Variants in UBE3D observed in about 807,000 individuals in gnomAD.
UBE3D encodes ubiquitin protein ligase E3D, also known as E3 ubiquitin-protein ligase E3D.
UBE3D carries 48 observed loss-of-function variants against 49.6 expected under a neutral mutation model. The observed-to-expected ratio is 0.97, with a 90% CI of 0.77 to 1.23. UBE3D has a LOEUF of 1.23. UBE3D is among the 50% of genes most tolerant of loss of function. The probability of loss-of-function intolerance (pLI) is 0.00; values close to 1 mark genes in which losing one functional copy is unlikely to be tolerated. For missense variants in UBE3D, 452 were observed against 468.4 expected (o/e 0.96, Z 0.32); for synonymous variants, 189 against 174.2 (o/e 1.08, Z -0.67).
At chr6:82,927,424 A>T (rs951742919) in intron 9 of UBE3D, among the ~76,000 whole-genome samples, 1 of 152,010 alleles carries the variant, frequency 6.6e-6, no homozygotes, top group Non-Finnish European at 1.5e-5. Flanking sequence ...ATGGGATTGC[A>T]TGGAATCTAT....
At chr6:83,013,793 CT>C (rs57317282) in intron 8 of UBE3D, among the ~76,000 whole-genome samples, 6,185 of 152,290 alleles carry the variant, frequency 0.041, 224 homozygotes, top group African/African-American at 0.095. Context: ...GCAGGCAAAT[CT>C]CTCACCAATA....
intron 8 of UBE3D, among the ~76,000 whole-genome samples, chr6:83,013,776 T>C (rs1177734776): frequency 6.6e-6 from 1 of 151,812 alleles, no homozygotes; most frequent in Non-Finnish European, 1.5e-5. Flanking sequence ...TTATTTCCCA[T>C]CCTCTGGCAG....
At chr6:82,949,294 G>T (rs2127764386) in intron 9 of UBE3D, among the ~76,000 whole-genome samples, 2 of 151,812 alleles carry the variant, frequency 1.3e-5, no homozygotes, top group South Asian at 4.2e-4. Context: ...AAATCACTTA[G>T]GAATTTACTT....
intron 9 of UBE3D, among the ~76,000 whole-genome samples, chr6:82,951,346 G>A (rs1285184731): frequency 6.6e-6 from 1 of 152,178 alleles, no homozygotes; most frequent in Non-Finnish European, 1.5e-5. Flanking sequence ...TTAACCTGGG[G>A]CTATGTCCTT....
intron 8 of UBE3D, among the ~76,000 whole-genome samples, chr6:83,009,552 C>A (rs1273937203): frequency 6.7e-6 from 1 of 149,370 alleles, no homozygotes; most frequent in Non-Finnish European, 1.5e-5. Context: ...AGAGCCAACA[C>A]CCAAGGAAAA....
At chr6:82,915,704 A>G (rs1340014145) in intron 9 of UBE3D, among the ~76,000 whole-genome samples, 1 of 152,214 alleles carries the variant, frequency 6.6e-6, no homozygotes, top group Non-Finnish European at 1.5e-5. Context: ...CTGGGCTTAC[A>G]AACAGTAATG....
chr6:83,012,374 G>A (rs1388096480), intron 8 of UBE3D, among the ~76,000 whole-genome samples: 1 of 152,162 alleles, frequency 6.6e-6, no homozygotes, highest in South Asian at 2.1e-4. Context: ...CTCAGTGTTG[G>A]TCTCTGCTGC....
At chr6:82,958,059 T>C (rs961467673) in intron 8 of UBE3D, among the ~76,000 whole-genome samples, 26 of 152,304 alleles carry the variant, frequency 1.7e-4, no homozygotes, top group African/African-American at 6.0e-4. Context: ...AGAGTGGCCC[T>C]TGAAGCATCT....
At chr6:82,993,644 C>G (rs1043040358) in intron 8 of UBE3D, among the ~76,000 whole-genome samples, 1 of 152,076 alleles carries the variant, frequency 6.6e-6, no homozygotes, top group African/African-American at 2.4e-5. Context: ...TTTTCTCCCC[C>G]AAAATATTTT....
rs112050980 is a variant in UBE3D, at chr6:83,026,664, C to A, written c.668-2626G>T. On this transcript the variant is annotated intron_variant, in intron 5 of 9. Coordinates refer to ENST00000369747, the MANE Select transcript of UBE3D (RefSeq NM_198920.3). The stretch of plus-strand genomic sequence containing the variant: ...TTATTACACGCAGGACTAAACTAAA[C>A]CTTTTTAACTTTATGAAATGCCTAT... 9.7e-3 allele frequency among the ~76,000 whole-genome samples: 1,471 copies of A among 152,124 alleles called. 27 individuals carry two copies. Among genetic ancestry groups the A allele is most frequent in the African/African-American group, 0.034 (1,394 of 41,446 alleles).
intron 9 of UBE3D, among the ~76,000 whole-genome samples, chr6:82,910,301 A>C (rs1450332228): frequency 1.3e-5 from 2 of 152,208 alleles, no homozygotes; most frequent in Admixed American, 1.3e-4. Flanking sequence ...GGTCTTGTAC[A>C]CAGAAGGTTT....
At position 82,965,122 on chromosome 6, in the gene UBE3D, C is replaced by T. The variant is rs191269777; in HGVS notation, c.1011-7672G>A. 5.9e-5 allele frequency among the ~76,000 whole-genome samples: 9 copies of T among 152,276 alleles called. No individual in the cohort carries two copies. In the East Asian group the frequency reaches 1.7e-3, roughly 29 times the overall value. ...AGTTTGTCAAGGTAAATCTCCCACA[C>T]ATCAGAAAGCATTGGGAAAATGGTT... is the stretch of plus-strand genomic sequence containing the variant. On this transcript the variant is annotated intron_variant, in intron 8 of 9. Coordinates refer to ENST00000369747, the MANE Select transcript of UBE3D (RefSeq NM_198920.3).
chr6:82,938,071 C>G (rs919594008), intron 9 of UBE3D, among the ~76,000 whole-genome samples: 1 of 152,078 alleles, frequency 6.6e-6, no homozygotes, highest in African/African-American at 2.4e-5. Flanking sequence ...AGGATGTTCA[C>G]AAGAAATAAG....
intron 9 of UBE3D, among the ~76,000 whole-genome samples, chr6:82,944,055 G>C (rs1308684993): frequency 1.3e-5 from 2 of 152,086 alleles, no homozygotes; most frequent in African/African-American, 4.8e-5. Flanking sequence ...AGACCACAGA[G>C]ACTGCAAGTC....
At chr6:83,043,802 G>C (rs1427951586) in intron 4 of UBE3D, among the ~76,000 whole-genome samples, 2 of 152,160 alleles carry the variant, frequency 1.3e-5, no homozygotes, top group African/African-American at 4.8e-5. Flanking sequence ...CAATGCCATT[G>C]ATTTTCTTTT....
intron 3 of UBE3D, among the ~76,000 whole-genome samples, chr6:83,047,266 C>A (rs1008305111): frequency 6.6e-6 from 1 of 152,120 alleles, no homozygotes; most frequent in African/African-American, 2.4e-5. Context: ...ACACTGCTTA[C>A]GGTAAAAATG....
intron 8 of UBE3D, among the ~76,000 whole-genome samples, chr6:82,960,632 G>T (rs1776482317): frequency 6.6e-6 from 1 of 151,414 alleles, no homozygotes; most frequent in East Asian, 2.0e-4. Flanking sequence ...TCTTATAAAG[G>T]AAACAAATGC....
intron 1 of UBE3D, among the ~76,000 whole-genome samples, chr6:83,062,110 C>G (rs915762955): frequency 1.3e-5 from 2 of 152,136 alleles, no homozygotes; most frequent in Non-Finnish European, 2.9e-5. Context: ...CGCCTCTTCT[C>G]TACTGCCACC....
chr6:82,894,525 T>C (rs1771171509), intron 9 of UBE3D, among the ~76,000 whole-genome samples: 1 of 152,024 alleles, frequency 6.6e-6, no homozygotes, highest in African/African-American at 2.4e-5. Flanking sequence ...CATTAACTGG[T>C]CCCCCACCTC....
Sources: allele counts gnomAD v4.1 joint callset (sites outside exome capture counted in the v4.1 genomes callset), GRCh38; gene constraint gnomAD v4.1.1; transcripts MANE v1.5; gene names NCBI Gene and HGNC (gene_info 2026-07-23, HGNC 2026-07-21).